Variants in KHDRBS3 observed in about 807,000 individuals in gnomAD.
KHDRBS3 encodes the protein KH domain-containing, RNA-binding, signal transduction-associated protein 3.
KHDRBS3 carries 23 observed loss-of-function variants against 45.6 expected under a neutral mutation model. The ratio of observed to expected loss-of-function variants is 0.50; its 90% CI spans 0.36 to 0.72. The LOEUF is 0.72. Among genes scored for constraint, KHDRBS3 ranks in the 30% least tolerant of loss-of-function variants. KHDRBS3 has a pLI of 0.00. For synonymous variants in KHDRBS3, 162 were observed against 156.5 expected (o/e 1.04, Z -0.26); for missense variants, 352 against 424.8 (o/e 0.83, Z 1.51).
intron 4 of KHDRBS3, among the ~76,000 whole-genome samples, chr8:135,550,853 G>T (rs2130805648): frequency 6.6e-6 from 1 of 152,092 alleles, no homozygotes; most frequent in East Asian, 1.9e-4. Context: ...TCCAATCCAG[G>T]AACATGAAAT....
At chr8:135,480,109 G>T (rs1376125177) in intron 1 of KHDRBS3, among the ~76,000 whole-genome samples, 1 of 131,560 alleles carries the variant, frequency 7.6e-6, no homozygotes, top group Admixed American at 8.4e-5. Flanking sequence ...AACAAATTCT[G>T]ACCACTTTCA....
intron 1 of KHDRBS3, among the ~76,000 whole-genome samples, chr8:135,479,458 A>G (rs1233820383): frequency 2.0e-5 from 3 of 152,234 alleles, no homozygotes; most frequent in Admixed American, 1.3e-4. Context: ...GCATGCTATA[A>G]CAAAATTTCT....
At chr8:135,614,012 T>TA (rs34556693) in intron 7 of KHDRBS3, among the ~76,000 whole-genome samples, 57,769 of 151,528 alleles carry the variant, frequency 0.38, 12,631 homozygotes, top group South Asian at 0.53. Flanking sequence ...AGAATTCCCA[T>TA]AAAAAAATTC....
At chr8:135,569,607 T>C (rs904446994) in intron 5 of KHDRBS3, among the ~76,000 whole-genome samples, 1 of 152,142 alleles carries the variant, frequency 6.6e-6, no homozygotes, top group African/African-American at 2.4e-5. Context: ...TGTAATTTCC[T>C]GGAAAGAAAA....
chr8:135,510,898 C>T (rs1032664330), intron 1 of KHDRBS3, among the ~76,000 whole-genome samples: 38 of 152,212 alleles, frequency 2.5e-4, no homozygotes, highest in African/African-American at 7.2e-4. Flanking sequence ...GTGTACTGGC[C>T]TCCTCTCTTC....
In KHDRBS3 at chr8:135,564,656, C is replaced by T. The variant is rs528971605; in HGVS notation, c.611+7069C>T. On this transcript the variant is annotated intron_variant, in intron 5 of 8. Transcript: ENST00000355849. ...TTTTCATTATTTTTTTGTCTGTTTT[C>T]CAGACTGGTCTATGTCTTGACCTAG... Among the ~76,000 whole-genome samples, 226 of 152,254 alleles carry T rather than the reference C, an allele frequency of 1.5e-3. 2 individuals are homozygous for T. The highest frequency in any genetic ancestry group is 2.6e-3 in the Non-Finnish European group (180 of 68,014).
At chr8:135,607,311 A>G (rs971166909) in intron 7 of KHDRBS3, among the ~76,000 whole-genome samples, 7 of 152,226 alleles carry the variant, frequency 4.6e-5, no homozygotes, top group Non-Finnish European at 8.8e-5. Flanking sequence ...AGAAGGAACA[A>G]TGGCCTCAAA....
At chr8:135,561,904 T>A (rs916401815) in intron 5 of KHDRBS3, among the ~76,000 whole-genome samples, 2 of 151,966 alleles carry the variant, frequency 1.3e-5, no homozygotes, top group Admixed American at 1.3e-4. Context: ...GATAAAGATA[T>A]AAAGAAAATA....
intron 7 of KHDRBS3, among the ~76,000 whole-genome samples, chr8:135,635,653 G>A (rs1431240046): frequency 6.6e-6 from 1 of 152,224 alleles, no homozygotes; most frequent in Non-Finnish European, 1.5e-5. Context: ...AAAGTGCTGG[G>A]ATTACAGGCG....
Position 135,557,437 on chromosome 8 carries a change from C to A in KHDRBS3, c.472-11C>A. 6.3e-7 allele frequency: 1 copy of A among 1,575,866 alleles called. No individual in the cohort carries two copies. The highest frequency in any genetic ancestry group is 1.8e-5 in the Admixed American group (1 of 55,370). On this transcript the variant is annotated splice_polypyrimidine_tract_variant and intron_variant, in intron 4 of 8. Coordinates refer to ENST00000355849, the MANE Select transcript of KHDRBS3 (RefSeq NM_006558.3). Reference sequence around the variant, plus strand: ...TGAAGTGAATTTTGCTATCTTCTGTCTTTTGTGTAGGATTATAATGATGAG... The same window carrying A: ...TGAAGTGAATTTTGCTATCTTCTGTATTTTGTGTAGGATTATAATGATGAG...
intron 5 of KHDRBS3, among the ~76,000 whole-genome samples, chr8:135,569,817 G>A (rs769952423): frequency 1.3e-5 from 2 of 152,090 alleles, no homozygotes; most frequent in African/African-American, 2.4e-5. Context: ...TGCTCAGTGC[G>A]GAGTGCCAGG....
intron 1 of KHDRBS3, among the ~76,000 whole-genome samples, chr8:135,502,831 C>T (rs1042714501): frequency 3.3e-5 from 5 of 152,162 alleles, no homozygotes; most frequent in African/African-American, 1.2e-4. Context: ...CTGCTGATCA[C>T]CTCTTTTCCA....
At chr8:135,551,276 C>T (rs1421537007) in intron 4 of KHDRBS3, among the ~76,000 whole-genome samples, 1 of 151,824 alleles carries the variant, frequency 6.6e-6, no homozygotes, top group Non-Finnish European at 1.5e-5. Flanking sequence ...TATTCCATTC[C>T]ACTCCATTCC....
chr8:135,592,756 A>G (rs1372284637), intron 6 of KHDRBS3, among the ~76,000 whole-genome samples: 1 of 8,040 alleles, frequency 1.2e-4, no homozygotes, highest in Non-Finnish European at 6.4e-3. Context: ...GGGGCTTCGA[A>G]CTCTGGTTAT....
intron 1 of KHDRBS3, among the ~76,000 whole-genome samples, chr8:135,502,028 T>C (rs1222286760): frequency 1.3e-5 from 2 of 152,192 alleles, no homozygotes; most frequent in African/African-American, 2.4e-5. Context: ...AAAAAATACA[T>C]ATATTTTTAT....
intron 1 of KHDRBS3, among the ~76,000 whole-genome samples, chr8:135,506,404 C>CTTTT (rs35050617): frequency 5.7e-4 from 79 of 139,780 alleles, no homozygotes; most frequent in African/African-American, 1.8e-3. Context: ...TAACATTCCT[C>CTTTT]TTTTTTTTTT....
chr8:135,533,693 T>C (rs911784694), intron 2 of KHDRBS3, among the ~76,000 whole-genome samples: 1 of 152,316 alleles, frequency 6.6e-6, no homozygotes, highest in South Asian at 2.1e-4. Flanking sequence ...GCTGTTAAAC[T>C]GATTTGAGAT....
chr8:135,632,661 T>G (rs1225996465), intron 7 of KHDRBS3, among the ~76,000 whole-genome samples: 3 of 151,808 alleles, frequency 2.0e-5, no homozygotes, highest in Non-Finnish European at 4.4e-5. Context: ...GATAATTCTG[T>G]TTTTTTTCTT....
At chr8:135,521,216 G>A in intron 1 of KHDRBS3, 21 bp from the exon 2 acceptor site, 4 of 1,460,694 alleles carry the variant, frequency 2.7e-6, no homozygotes, top group Non-Finnish European at 3.8e-6. Context: ...ACACTTCATG[G>A]TTATCTTTTT....
Sources: gnomAD v4.1 joint callset for allele counts (sites outside exome capture counted in the v4.1 genomes callset) on GRCh38, gnomAD v4.1.1 for gene constraint, MANE v1.5 for transcripts, NCBI Gene and HGNC (gene_info 2026-07-23, HGNC 2026-07-21) for gene names.